The following DACH1 variants were observed in gnomAD, a reference collection of about 807,000 sequenced individuals.
DACH1 encodes the protein dachshund family transcription factor 1.
In DACH1, 12 loss-of-function variants were observed where a neutral mutation model predicts 54.2. The observed-to-expected ratio is 0.22, with a 90% CI of 0.14 to 0.36. The LOEUF is 0.36. Among genes scored for constraint, DACH1 ranks in the 10% least tolerant of loss-of-function variants. The pLI is 1.00. For missense variants in DACH1, 805 were observed against 929.8 expected, an observed-to-expected ratio of 0.87 and a Z score of 1.75; for synonymous variants, 386 against 366.2, an observed-to-expected ratio of 1.05 and a Z score of -0.62.
intron 6 of DACH1, among the ~76,000 whole-genome samples, chr13:71,555,824 G>A (rs1282773058): frequency 6.6e-6 from 1 of 151,990 alleles, no homozygotes; most frequent in African/African-American, 2.4e-5. Flanking sequence ...CACTGCATTC[G>A]AATGCCTAAT....
At chr13:71,564,959 T>C (rs1178436682) in intron 4 of DACH1, among the ~76,000 whole-genome samples, 2 of 152,138 alleles carry the variant, frequency 1.3e-5, no homozygotes, top group African/African-American at 4.8e-5. Context: ...TCTTGCTCTG[T>C]CACCCAGGCT....
chr13:71,817,475 TG>T (rs1417019255), intron 1 of DACH1, among the ~76,000 whole-genome samples: 1 of 152,186 alleles, frequency 6.6e-6, no homozygotes, highest in Non-Finnish European at 1.5e-5. Context: ...CTTCTCTAGG[TG>T]TTGGTAGTTC....
intron 3 of DACH1, among the ~76,000 whole-genome samples, chr13:71,586,168 G>A (rs1240119499): frequency 6.6e-6 from 1 of 152,044 alleles, no homozygotes; most frequent in Non-Finnish European, 1.5e-5. Context: ...TCTTGACAGG[G>A]GGTACCAGCT....
intron 1 of DACH1, among the ~76,000 whole-genome samples, chr13:71,754,005 G>A (rs1885037142): frequency 6.6e-6 from 1 of 152,168 alleles, no homozygotes; most frequent in East Asian, 1.9e-4. Context: ...TACTAAATCA[G>A]AAGCAGCTTA....
chr13:71,818,852 A>G (rs182189106), intron 1 of DACH1, among the ~76,000 whole-genome samples: 1 of 152,302 alleles, frequency 6.6e-6, no homozygotes, highest in African/African-American at 2.4e-5. Flanking sequence ...GCAAGTTCCC[A>G]AAGCACATTT....
At chr13:71,730,561 T>C (rs1214485554) in intron 1 of DACH1, among the ~76,000 whole-genome samples, 3 of 152,170 alleles carry the variant, frequency 2.0e-5, no homozygotes, top group African/African-American at 7.2e-5. Flanking sequence ...TTTCTTCCTT[T>C]ATATATTGTG....
chr13:71,458,823 A>G (rs1875816063), intron 10 of DACH1, among the ~76,000 whole-genome samples: 1 of 151,942 alleles, frequency 6.6e-6, no homozygotes, highest in Non-Finnish European at 1.5e-5. Flanking sequence ...ACACTGAACA[A>G]CATCTTGATA....
At chr13:71,511,850 T>G (rs1490045600) in intron 6 of DACH1, among the ~76,000 whole-genome samples, 1 of 151,922 alleles carries the variant, frequency 6.6e-6, no homozygotes. Flanking sequence ...GAAGGAGTAA[T>G]ACAAGGCATA....
At chr13:71,689,082 A>G (rs375965732) in intron 1 of DACH1, among the ~76,000 whole-genome samples, 7 of 152,190 alleles carry the variant, frequency 4.6e-5, no homozygotes, top group African/African-American at 1.2e-4. Flanking sequence ...TTGTTTAAAG[A>G]CTTGTGCTCT....
intron 2 of DACH1, among the ~76,000 whole-genome samples, chr13:71,674,758 G>T (rs1027837628): frequency 1.4e-3 from 2 of 1,422 alleles, no homozygotes; most frequent in African/African-American, 5.2e-3. Context: ...GCATGATGAA[G>T]TCTAAAGTTT....
chr13:71,837,089 T>A (rs917593976), intron 1 of DACH1, among the ~76,000 whole-genome samples: 1 of 151,846 alleles, frequency 6.6e-6, no homozygotes, highest in South Asian at 2.1e-4. Flanking sequence ...AAACGAAAGA[T>A]TAAGGGGGAA....
In DACH1 at chr13:71,791,077, C is replaced by T. The variant is rs1008533009; in HGVS notation, c.848+74845G>A. Among the ~76,000 whole-genome samples the T allele has an allele frequency of 3.9e-5, 6 of 152,214 alleles. 1 individual carries two copies. The highest frequency in any genetic ancestry group is 3.9e-4 in the Admixed American group (6 of 15,280). On this transcript the variant is annotated intron_variant, in intron 1 of 10. Coordinates refer to ENST00000613252, the MANE Select transcript of DACH1 (RefSeq NM_080759.6). ...CTGACATGACAACGATTTTTAGATA[C>T]TTCCCAAGATAGCATTTCTGTGTAT...
At chr13:71,465,373 A>G (rs1274492051) in intron 10 of DACH1, among the ~76,000 whole-genome samples, 4 of 152,040 alleles carry the variant, frequency 2.6e-5, no homozygotes, top group Non-Finnish European at 5.9e-5. Context: ...GAAGTATAAC[A>G]TTTCTCAGAA....
chr13:71,467,603 T>C (rs1876706350), intron 10 of DACH1, among the ~76,000 whole-genome samples: 1 of 151,954 alleles, frequency 6.6e-6, no homozygotes, highest in Admixed American at 6.6e-5. Context: ...CGCTAAAACT[T>C]TCTGTTTAAT....
chr13:71,534,211 T>G (rs1882603132), intron 6 of DACH1, among the ~76,000 whole-genome samples: 3 of 152,082 alleles, frequency 2.0e-5, no homozygotes, highest in Non-Finnish European at 2.9e-5. Flanking sequence ...GCAATATTTT[T>G]TATGTTGATT....
In DACH1 at chr13:71,610,475, A is replaced by T. The variant is rs1875239154; in HGVS notation, c.1126+20081T>A. ...TAATTTCCTACTATTATATATGAGA[A>T]CAAACTACAAAGCATCTCATAATTG... On this transcript the variant is annotated intron_variant, in intron 3 of 10. Transcript: ENST00000613252. Among the ~76,000 whole-genome samples, 2 of 152,170 alleles carry T rather than the reference A, an allele frequency of 1.3e-5. 1 individual carries two copies. Among genetic ancestry groups the T allele is most frequent in the South Asian group, 4.1e-4 (2 of 4,830 alleles).
intron 10 of DACH1, among the ~76,000 whole-genome samples, chr13:71,451,084 T>C (rs769844895): frequency 6.6e-6 from 1 of 152,152 alleles, no homozygotes; most frequent in South Asian, 2.1e-4. Flanking sequence ...CAACTATCTA[T>C]TGTTTGTCTA....
At chr13:71,504,066 A>G (rs1880127318) in intron 6 of DACH1, among the ~76,000 whole-genome samples, 1 of 152,158 alleles carries the variant, frequency 6.6e-6, no homozygotes, top group African/African-American at 2.4e-5. Flanking sequence ...CCTCTACTAT[A>G]TATAAGTTAA....
chr13:71,778,647 C>T (rs1047692969), intron 1 of DACH1, among the ~76,000 whole-genome samples: 6 of 151,956 alleles, frequency 3.9e-5, no homozygotes, highest in Non-Finnish European at 5.9e-5. Context: ...ATATAAACTG[C>T]AACTTTCCTC....
Sources: allele counts gnomAD v4.1 joint callset (sites outside exome capture counted in the v4.1 genomes callset), GRCh38; gene constraint gnomAD v4.1.1; transcripts MANE v1.5; gene names NCBI Gene and HGNC (gene_info 2026-07-23, HGNC 2026-07-21).